Variants in TRUB2 observed in about 807,000 individuals in gnomAD.
The protein encoded by TRUB2 is pseudouridylate synthase TRUB2, mitochondrial.
TRUB2 carries 31 observed loss-of-function variants against 31.9 expected under a neutral mutation model. The observed-to-expected ratio is 0.97, with a 90% confidence interval of 0.73 to 1.31. TRUB2 has a LOEUF of 1.31. TRUB2 is among the 50% of genes most tolerant of loss of function. The pLI is 0.00. For missense variants in TRUB2, 451 were observed against 439.6 expected, an observed-to-expected ratio of 1.03 and a Z score of -0.23; for synonymous variants, 201 against 182.6, an observed-to-expected ratio of 1.10 and a Z score of -0.81.
At chr9:128,320,709 C>T (rs1231313572) in intron 2 of TRUB2, among the ~76,000 whole-genome samples, 2 of 152,198 alleles carry the variant, frequency 1.3e-5, no homozygotes, top group African/African-American at 2.4e-5. Flanking sequence ...AAGTAATCCA[C>T]CGCCTCAGCT....
Position 128,305,439 on chromosome 9 carries a change from G to C in TRUB2, c.*4111C>G, listed in dbSNP as rs752854460. 6.6e-6 allele frequency: 1 copy of C among 152,328 alleles called. No homozygotes were observed. Among genetic ancestry groups the C allele is most frequent in the Non-Finnish European group, 1.5e-5 (1 of 68,136 alleles). 9.4% of individuals were successfully genotyped at this position (152,328 alleles called of 1,614,324 possible). A position where few individuals can be genotyped will look rare whatever the true frequency, so the allele number is the denominator to read the frequency against. On this transcript the variant is annotated 3_prime_UTR_variant, in exon 8 of 8. Transcript: ENST00000372890. Reference sequence around the variant, plus strand: ...CTGTCACCCAGGCTAGAGTACAGTCGTGTGATTTCAGCTCACTGCAACCTC... The same window carrying C: ...CTGTCACCCAGGCTAGAGTACAGTCCTGTGATTTCAGCTCACTGCAACCTC...
chr9:128,311,739 G>T, intron 5 of TRUB2, 138 bp from the exon 6 acceptor site: 1 of 848,604 alleles, frequency 1.2e-6, no homozygotes, highest in Non-Finnish European at 1.9e-6. Context: ...CGGGGTGGTT[G>T]GGAGTCCTTT....
Position 128,309,526 on chromosome 9 carries a change from C to T in TRUB2, c.*24G>A. The T allele has an allele frequency of 2.5e-6, 4 of 1,592,438 alleles. No homozygotes were observed. The highest frequency in any genetic ancestry group is 3.4e-6 in the Non-Finnish European group (4 of 1,166,178). Reference sequence around the variant, plus strand: ...AGCAGTTCTTCTATTTATCCATCCACTGCCCCAGGAGCTGCCTGGGCATTC... The same window carrying T: ...AGCAGTTCTTCTATTTATCCATCCATTGCCCCAGGAGCTGCCTGGGCATTC... On this transcript the variant is annotated 3_prime_UTR_variant, in exon 8 of 8. Transcript: ENST00000372890.
chr9:128,311,298 T>C, intron 6 of TRUB2: 1 of 625,044 alleles, frequency 1.6e-6, no homozygotes, highest in Admixed American at 2.9e-5. Context: ...CATTAGATCA[T>C]ATACTCTCAG....
intron 5 of TRUB2, among the ~76,000 whole-genome samples, 190 bp downstream of exon 5, chr9:128,313,618 C>T (rs973609102): frequency 6.6e-6 from 1 of 151,786 alleles, no homozygotes; most frequent in South Asian, 2.1e-4. Context: ...TTGGAAGTGA[C>T]GTTACATTTG....
At chr9:128,317,355 G>T in intron 2 of TRUB2, 129 bp from the exon 3 acceptor site, 1 of 810,780 alleles carries the variant, frequency 1.2e-6, no homozygotes, top group Non-Finnish European at 2.0e-6. Flanking sequence ...CAGACTCTCA[G>T]GCTTCCCCGT....
chr9:128,312,462 G>A lies in TRUB2; in HGVS notation c.461-861C>T, dbSNP rs147869727. Among the ~76,000 whole-genome samples, 215 of 150,248 alleles carry A rather than the reference G, an allele frequency of 1.4e-3. 1 individual carries two copies. The highest frequency in any genetic ancestry group is 4.9e-3 in the African/African-American group (200 of 40,900). On this transcript the variant is annotated intron_variant, in intron 5 of 7. Coordinates refer to ENST00000372890, the MANE Select transcript of TRUB2 (RefSeq NM_015679.3). ...CTTTTTTTTTTTGAGATGGAATCTC[G>A]CTCTGTTGCCCAGGCTGGAGTGCAG...
chr9:128,309,950 T>G, intron 7 of TRUB2, 75 bp from the exon 8 acceptor site: 1 of 1,480,922 alleles, frequency 6.8e-7, no homozygotes, highest in Non-Finnish European at 9.2e-7. Flanking sequence ...CGCACACCCC[T>G]TGGATACCTC....
At chr9:128,311,314 C>G in intron 6 of TRUB2, 3 of 630,670 alleles carry the variant, frequency 4.8e-6, no homozygotes, top group Admixed American at 5.7e-5. Flanking sequence ...CTCAGCAGGA[C>G]AGCTTGGTTC....
intron 3 of TRUB2, 29 bp from the exon 4 acceptor site, chr9:128,315,657 C>G: frequency 6.2e-7 from 1 of 1,607,824 alleles, no homozygotes; most frequent in Admixed American, 1.7e-5. Flanking sequence ...CATCTCACAC[C>G]TGGGACCCCC....
In TRUB2 at chr9:128,317,172, G is replaced by C. The variant is rs143343877; in HGVS notation, c.296C>G (p.Ala99Gly). 2.1e-5 allele frequency: 33 copies of C among 1,587,402 alleles called. No individual in the cohort carries two copies. The African/African-American group carries it at 3.6e-4, about 17-fold the overall frequency. ...CCTACCAAGTACTCCAGAAGCCTGGGCATCCAACCGATGTCCCACGCCAAC... is the reference window on the plus strand; with the variant it reads ...CCTACCAAGTACTCCAGAAGCCTGGCCATCCAACCGATGTCCCACGCCAAC... ...LKVGVGHRLD[A>G]QASGVLVLGV... is the part of the protein sequence containing the mutation. Residue 99 changes from alanine to glycine, a missense_variant, in exon 3 of 8, where the codon GCC becomes GGC. Transcript: ENST00000372890.
Position 128,309,151 on chromosome 9 carries a change from G to T in TRUB2, c.*399C>A. 1 of 175,690 alleles carries T rather than the reference G, an allele frequency of 5.7e-6. No individual in the cohort carries two copies. Among genetic ancestry groups the T allele is most frequent in the Non-Finnish European group, 1.2e-5 (1 of 82,120 alleles). 10.9% of individuals were successfully genotyped at this position (175,690 alleles called of 1,614,324 possible). On this transcript the variant is annotated 3_prime_UTR_variant, in exon 8 of 8. Coordinates refer to ENST00000372890, the MANE Select transcript of TRUB2 (RefSeq NM_015679.3). Reference sequence around the variant, plus strand: ...TTTTCGTGGGCACATAGTTTATTGAGAATTTTTTTTTTTTTGAGATGGCAG... The same window carrying T: ...TTTTCGTGGGCACATAGTTTATTGATAATTTTTTTTTTTTTGAGATGGCAG...
Position 128,309,872 on chromosome 9 carries a change from A to C in TRUB2, c.674T>G (p.Val225Gly). The change falls in exon 8 of 8, where the codon GTG (valine) becomes GGG (glycine). Residue 225 changes from valine to glycine, a missense_variant. Val to Gly is a moderately radical substitution (Grantham distance 109). Transcript: ENST00000372890. ...YFAPPEFLLEVQCMHETQKEL... is the reference protein window; with the variant it reads ...YFAPPEFLLEGQCMHETQKEL... ...TTTCTGCGTCTCATGCATGCACTGC[A>C]CCTCTGCCAGGGACACACAATGACA... is the stretch of plus-strand genomic sequence containing the variant. The C allele has an allele frequency of 1.2e-6, 2 of 1,612,854 alleles. No homozygotes were observed. Among genetic ancestry groups the C allele is most frequent in the Non-Finnish European group, 1.7e-6 (2 of 1,179,176 alleles).
At chr9:128,319,203 G>A (rs900986021) in intron 2 of TRUB2, among the ~76,000 whole-genome samples, 1 of 152,010 alleles carries the variant, frequency 6.6e-6, no homozygotes, top group Admixed American at 6.6e-5. Flanking sequence ...GCGGGCGCCT[G>A]TAGTCCCAGC....
intron 6 of TRUB2, 34 bp from the exon 7 acceptor site, chr9:128,311,057 C>T (rs1311858908): frequency 1.9e-6 from 3 of 1,605,648 alleles, no homozygotes; most frequent in Non-Finnish European, 1.7e-6. Flanking sequence ...AGCTGGGTGG[C>T]CCACCTACCC....
In TRUB2 at chr9:128,310,962, G is replaced by A. The variant is rs144447307; in HGVS notation, c.595C>T (p.Arg199Trp). The change falls in exon 7 of 8, where the codon CGG becomes TGG. Residue 199 changes from arginine to tryptophan, a missense_variant. By Grantham distance (101) the Arg-to-Trp change is moderately radical (BLOSUM62 -3). Coordinates refer to ENST00000372890, the MANE Select transcript of TRUB2 (RefSeq NM_015679.3). ...AGCATCGGGGACTTGTTCATGGGCC[G>A]GATCAGGCCTCTCACGGCCATCTCA... ...AYEMAVRGLI[R>W]PMNKSPMLIT... The A allele has an allele frequency of 6.9e-5, 112 of 1,614,102 alleles. No individual in the cohort carries two copies. The highest frequency in any genetic ancestry group is 8.0e-5 in the African/African-American group (6 of 74,936).
At chr9:128,320,894 T>C (rs1484432994) in intron 2 of TRUB2, among the ~76,000 whole-genome samples, 1 of 152,120 alleles carries the variant, frequency 6.6e-6, no homozygotes, top group Non-Finnish European at 1.5e-5. Context: ...GTTCAAGTGA[T>C]TCTCCTGCCT....
chr9:128,309,517 A>T lies in TRUB2; in HGVS notation c.*33T>A. The T allele has an allele frequency of 6.3e-7, 1 of 1,584,462 alleles. No homozygotes were observed. Among genetic ancestry groups the T allele is most frequent in the Non-Finnish European group, 8.6e-7 (1 of 1,162,172 alleles). ...CCAGCTCATAGCAGTTCTTCTATTT[A>T]TCCATCCACTGCCCCAGGAGCTGCC... On this transcript the variant is annotated 3_prime_UTR_variant, in exon 8 of 8. Coordinates refer to ENST00000372890, the MANE Select transcript of TRUB2 (RefSeq NM_015679.3).
rs1831916564 is a variant in TRUB2 at position 128,309,123 on chromosome 9, T to TA, written c.*426dup. 1 of 167,832 alleles carries TA rather than the reference T, an allele frequency of 6.0e-6. No homozygotes were observed. The highest frequency in any genetic ancestry group is 1.3e-5 in the Non-Finnish European group (1 of 76,488). 10.4% of individuals were successfully genotyped at this position (167,832 alleles called of 1,614,324 possible). ...AATACTTACAATTTTTTTTAATTTT[T>TA]AATTTTCGTGGGCACATAGTTTATT... On this transcript the variant is annotated 3_prime_UTR_variant, in exon 8 of 8. Coordinates refer to ENST00000372890, the MANE Select transcript of TRUB2 (RefSeq NM_015679.3).
Sources: gnomAD v4.1 joint callset for allele counts (sites outside exome capture counted in the v4.1 genomes callset) on GRCh38, gnomAD v4.1.1 for gene constraint, MANE v1.5 for transcripts, NCBI Gene and HGNC (gene_info 2026-07-23, HGNC 2026-07-21) for gene names.